Variants in DLC1 observed in about 807,000 individuals in gnomAD.
The protein encoded by DLC1 is rho GTPase-activating protein 7.
A neutral mutation model predicts 140.3 loss-of-function variants in DLC1; 54 were observed. The observed-to-expected ratio is 0.38, with a 90% CI of 0.31 to 0.48. The LOEUF (loss-of-function observed/expected upper bound fraction) is 0.48, where lower values mean the gene tolerates loss of function less well. Ranked by LOEUF, DLC1 falls within the 20% of genes least tolerant of loss-of-function variation. The probability of loss-of-function intolerance (pLI) is 0.96; values close to 1 mark genes in which losing one functional copy is unlikely to be tolerated. For synonymous variants in DLC1, 986 were observed against 728.1 expected, an observed-to-expected ratio of 1.35 and a Z score of -5.70; for missense variants, 2,536 against 1,907.0, an observed-to-expected ratio of 1.33 and a Z score of -6.14.
chr8:13,553,240 AT>A (rs1803927620), intron 1 of DLC1, among the ~76,000 whole-genome samples: 1 of 131,298 alleles, frequency 7.6e-6, no homozygotes, highest in African/African-American at 2.8e-5. Context: ...ATATATATAT[AT>A]ATATATATAT....
intron 4 of DLC1, among the ~76,000 whole-genome samples, chr8:13,346,663 G>T (rs774671829): frequency 6.6e-6 from 1 of 152,194 alleles, no homozygotes; most frequent in African/African-American, 2.4e-5. Flanking sequence ...TGTCCAGGCC[G>T]GGGATGTGTC....
intron 2 of DLC1, among the ~76,000 whole-genome samples, chr8:13,468,981 C>G (rs1055142722): frequency 6.6e-6 from 1 of 151,914 alleles, no homozygotes; most frequent in Non-Finnish European, 1.5e-5. Flanking sequence ...CCATCACGCT[C>G]AGCTAATTTT....
At position 13,311,782 on chromosome 8, in the gene DLC1, C is replaced by T. The variant is rs1353369331; in HGVS notation, c.1315-6480G>A. 2.6e-5 allele frequency among the ~76,000 whole-genome samples: 4 copies of T among 152,164 alleles called. No individual in the cohort carries two copies. In the East Asian group the frequency reaches 7.7e-4, roughly 29 times the overall value. On this transcript the variant is annotated intron_variant, in intron 4 of 17. Coordinates refer to ENST00000276297, the MANE Select transcript of DLC1 (RefSeq NM_182643.3). ...ATTTTGGTGCTGCTCACAGGTATGT[C>T]TGTAGTTTATCTTTAGCAGAAATGA...
intron 4 of DLC1, among the ~76,000 whole-genome samples, chr8:13,353,812 G>A (rs942984072): frequency 2.6e-5 from 4 of 151,532 alleles, no homozygotes; most frequent in African/African-American, 9.7e-5. Flanking sequence ...AGCTGAGATT[G>A]TGCCACTGCA....
chr8:13,266,792 G>A (rs1459005638), intron 5 of DLC1, among the ~76,000 whole-genome samples: 1 of 152,044 alleles, frequency 6.6e-6, no homozygotes, highest in Non-Finnish European at 1.5e-5. Context: ...CCCTTTGCAT[G>A]GTTCTAATAC....
intron 1 of DLC1, among the ~76,000 whole-genome samples, chr8:13,536,802 A>G (rs1803301159): frequency 1.3e-5 from 2 of 152,186 alleles, no homozygotes; most frequent in African/African-American, 4.8e-5. Context: ...ACATGTATTT[A>G]GAGAATCTTC....
intron 2 of DLC1, among the ~76,000 whole-genome samples, chr8:13,465,243 T>G (rs1367624893): frequency 6.6e-6 from 1 of 152,058 alleles, no homozygotes; most frequent in Admixed American, 6.6e-5. Flanking sequence ...CAAAATCGAG[T>G]GTTTCTAGGA....
intron 4 of DLC1, among the ~76,000 whole-genome samples, chr8:13,306,889 G>A (rs1166325037): frequency 6.6e-6 from 1 of 151,496 alleles, no homozygotes; most frequent in Non-Finnish European, 1.5e-5. Context: ...ATCGAGACCA[G>A]CCTGACTAGC....
In DLC1 at chr8:13,086,466, G is replaced by C; in HGVS notation, c.4293-3C>G. The stretch of plus-strand genomic sequence containing the variant: ...TGGGTAAATTAGTCCTCCAGGTTCT[G>C]TAGAGACAAAACCAGAGGCAGAAAT... On this transcript the variant is annotated splice_region_variant and splice_polypyrimidine_tract_variant and intron_variant, in intron 16 of 17. Coordinates refer to ENST00000276297, the MANE Select transcript of DLC1 (RefSeq NM_182643.3). 6.2e-7 allele frequency: 1 copy of C among 1,609,414 alleles called. No homozygotes were observed. Among genetic ancestry groups the C allele is most frequent in the Non-Finnish European group, 8.5e-7 (1 of 1,178,344 alleles).
intron 2 of DLC1, among the ~76,000 whole-genome samples, chr8:13,444,020 A>G (rs1377614525): frequency 6.7e-6 from 1 of 148,606 alleles, no homozygotes; most frequent in African/African-American, 2.6e-5. Flanking sequence ...ACAATATCTT[A>G]AACTCTAAGT....
At chr8:13,185,808 T>G (rs1274313889) in intron 5 of DLC1, among the ~76,000 whole-genome samples, 1 of 152,218 alleles carries the variant, frequency 6.6e-6, no homozygotes, top group Non-Finnish European at 1.5e-5. Flanking sequence ...CCATGTTTAG[T>G]GCTTCCTTCA....
chr8:13,361,072 A>G (rs1835203481), intron 4 of DLC1, among the ~76,000 whole-genome samples: 1 of 152,024 alleles, frequency 6.6e-6, no homozygotes, highest in South Asian at 2.1e-4. Flanking sequence ...CTCTACAAAA[A>G]CATACAAAAA....
chr8:13,276,295 T>A (rs1831159688), intron 5 of DLC1: 1 of 1,535,420 alleles, frequency 6.5e-7, no homozygotes, highest in Admixed American at 2.0e-5. Context: ...TTTTTCCAAA[T>A]GACATCCAGG....
chr8:13,151,320 T>C (rs535800562), intron 5 of DLC1, among the ~76,000 whole-genome samples: 41 of 152,340 alleles, frequency 2.7e-4, no homozygotes, highest in Non-Finnish European at 4.4e-4. Context: ...GTATGCACTT[T>C]TGAAGTGTTT....
intron 10 of DLC1, among the ~76,000 whole-genome samples, chr8:13,097,721 T>C (rs1483696305): frequency 6.6e-6 from 1 of 152,176 alleles, no homozygotes; most frequent in African/African-American, 2.4e-5. Context: ...TAGTGGATTA[T>C]TCTTAATATT....
At chr8:13,599,234 C>A (rs1024548223) in intron 1 of DLC1, among the ~76,000 whole-genome samples, 8 of 151,690 alleles carry the variant, frequency 5.3e-5, no homozygotes, top group Non-Finnish European at 1.2e-4. Flanking sequence ...CAAATATATT[C>A]ACAATTATAG....
chr8:13,420,867 C>G (rs1313432308), intron 2 of DLC1, among the ~76,000 whole-genome samples: 2 of 152,040 alleles, frequency 1.3e-5, no homozygotes, highest in East Asian at 3.9e-4. Context: ...TAATTTTAGG[C>G]CGTATGTATG....
At chr8:13,402,331 A>G (rs1298074427) in intron 2 of DLC1, among the ~76,000 whole-genome samples, 1 of 152,224 alleles carries the variant, frequency 6.6e-6, no homozygotes, top group African/African-American at 2.4e-5. Flanking sequence ...CTTCTCATAG[A>G]GCATATAGAG....
At chr8:13,350,949 C>G (rs2117029736) in intron 4 of DLC1, among the ~76,000 whole-genome samples, 1 of 151,648 alleles carries the variant, frequency 6.6e-6, no homozygotes, top group African/African-American at 2.4e-5. Context: ...TTTAAACACT[C>G]AAATCTCTGA....
Sources: gnomAD v4.1 joint callset for allele counts (sites outside exome capture counted in the v4.1 genomes callset) on GRCh38, gnomAD v4.1.1 for gene constraint, MANE v1.5 for transcripts, NCBI Gene and HGNC (gene_info 2026-07-23, HGNC 2026-07-21) for gene names.